Variants in CPNE4 observed in about 807,000 individuals in gnomAD.
CPNE4 encodes copine 4, also known as copine-4.
In CPNE4, 25 loss-of-function variants were observed where a neutral mutation model predicts 67.9. The ratio of observed to expected loss-of-function variants is 0.37; its 90% CI spans 0.27 to 0.51. The LOEUF (loss-of-function observed/expected upper bound fraction) is 0.51, where lower values mean the gene tolerates loss of function less well. Among genes scored for constraint, CPNE4 ranks in the 20% least tolerant of loss-of-function variants. The pLI is 0.93. For synonymous variants in CPNE4, 242 were observed against 244.9 expected (o/e 0.99, Z 0.11); for missense variants, 464 against 690.8 (o/e 0.67, Z 3.68).
At chr3:131,749,858 A>C (rs909839589) in intron 2 of CPNE4, among the ~76,000 whole-genome samples, 3 of 152,068 alleles carry the variant, frequency 2.0e-5, no homozygotes, top group African/African-American at 7.2e-5. Context: ...TCTTTGTTGT[A>C]ACAGAATACC....
chr3:131,972,367 C>T (rs2072527437), intron 1 of CPNE4, among the ~76,000 whole-genome samples: 1 of 147,746 alleles, frequency 6.8e-6, no homozygotes, highest in African/African-American at 2.5e-5. Context: ...ATAGCACTTA[C>T]AAGCAGAGTT....
At chr3:132,008,475 A>G (rs1437377423) in intron 1 of CPNE4, among the ~76,000 whole-genome samples, 1 of 152,240 alleles carries the variant, frequency 6.6e-6, no homozygotes, top group Non-Finnish European at 1.5e-5. Flanking sequence ...ACAAGCTCAG[A>G]GACCTTAAGC....
At position 131,833,218 on chromosome 3, in the gene CPNE4, T is replaced by C. The variant is rs960000015; in HGVS notation, c.180+72046A>G. Among the ~76,000 whole-genome samples the C allele has an allele frequency of 7.2e-5, 11 of 152,210 alleles. No individual in the cohort carries two copies. The South Asian group carries it at 1.7e-3, about 23-fold the overall frequency. ...TGTTGTTTATTAGCCACCCAGTTTA[T>C]AATATTTTGTTATAGCAGCCCAAAT... On this transcript the variant is annotated intron_variant, in intron 2 of 15. Transcript: ENST00000429747.
chr3:132,004,554 G>A (rs142405805), intron 1 of CPNE4, among the ~76,000 whole-genome samples: 1,725 of 152,104 alleles, frequency 0.011, 16 homozygotes, highest in Non-Finnish European at 0.017. Flanking sequence ...ACAATCTGAT[G>A]AAAAAGGTTT....
In CPNE4 at chr3:131,726,364, G is replaced by T. The variant is rs115912449; in HGVS notation, c.181-2739C>A. Among the ~76,000 whole-genome samples the T allele has an allele frequency of 5.7e-3, 871 of 152,292 alleles. 3 individuals carry two copies. Among genetic ancestry groups the T allele is most frequent in the Non-Finnish European group, 0.01 (700 of 68,008 alleles). On this transcript the variant is annotated intron_variant, in intron 2 of 15. Coordinates refer to ENST00000429747, the MANE Select transcript of CPNE4 (RefSeq NM_130808.3). ...AGTGACTTGGTTTTTTGAGCGAAAT[G>T]ACAAGATGGAAAGACATTAAGTGAT...
chr3:131,562,970 C>T (rs972061303), intron 11 of CPNE4, among the ~76,000 whole-genome samples: 3 of 152,062 alleles, frequency 2.0e-5, no homozygotes, highest in Admixed American at 6.6e-5. Flanking sequence ...TGGACCTGCT[C>T]ATTCATTCCC....
chr3:131,784,008 T>G (rs967368454), intron 2 of CPNE4, among the ~76,000 whole-genome samples: 2 of 152,018 alleles, frequency 1.3e-5, no homozygotes, highest in Non-Finnish European at 1.5e-5. Flanking sequence ...TTTGAACTTC[T>G]CAGAGAAATT....
intron 1 of CPNE4, among the ~76,000 whole-genome samples, chr3:131,985,674 C>T (rs1166896612): frequency 6.6e-6 from 1 of 152,150 alleles, no homozygotes. Context: ...TATATTGGAT[C>T]ACTTCGTAAT....
intron 6 of CPNE4, among the ~76,000 whole-genome samples, chr3:131,676,741 C>T (rs936173808): frequency 9.9e-5 from 15 of 152,138 alleles, no homozygotes; most frequent in Admixed American, 3.9e-4. Context: ...CATAGTATTC[C>T]GTGGTGTATA....
At chr3:131,903,026 C>T (rs553591148) in intron 2 of CPNE4, among the ~76,000 whole-genome samples, 60 of 152,238 alleles carry the variant, frequency 3.9e-4, no homozygotes, top group African/African-American at 1.4e-3. Context: ...TTCACCTGCT[C>T]ACTAACTGCT....
At chr3:132,031,016 C>T (rs77377439) in intron 1 of CPNE4, among the ~76,000 whole-genome samples, 1 of 151,970 alleles carries the variant, frequency 6.6e-6, no homozygotes, top group Non-Finnish European at 1.5e-5. Flanking sequence ...GATGTGTAAC[C>T]CCAACCTAAA....
upstream of CPNE4, among the ~76,000 whole-genome samples, chr3:132,035,676 A>T (rs2074326755): frequency 2.6e-5 from 4 of 152,234 alleles, no homozygotes; most frequent in Admixed American, 2.6e-4. Context: ...TTTCAAACTT[A>T]TTCAAATTCA....
At chr3:131,835,133 G>C (rs1414284221) in intron 2 of CPNE4, among the ~76,000 whole-genome samples, 1 of 152,156 alleles carries the variant, frequency 6.6e-6, no homozygotes. Flanking sequence ...TAGTGATGAA[G>C]GAAGCCTTGA....
chr3:131,633,717 T>G (rs1185464369), intron 7 of CPNE4, among the ~76,000 whole-genome samples: 2 of 151,912 alleles, frequency 1.3e-5, no homozygotes, highest in Non-Finnish European at 2.9e-5. Flanking sequence ...GTACTCGTTA[T>G]GAAGAAAGGC....
rs35525721 is a variant in CPNE4 at position 131,925,157 on chromosome 3, T to TTCTCTC, written c.-1-19719_-1-19714dup. ...TGATTCTCTCTCTCTTGTTCTCATA[T>TTCTCTC]TCTCTCTCTCTCTCTCTCTCTCATA... is the stretch of plus-strand genomic sequence containing the variant. On this transcript the variant is annotated intron_variant, in intron 1 of 15. Coordinates refer to ENST00000429747, the MANE Select transcript of CPNE4 (RefSeq NM_130808.3). Among the ~76,000 whole-genome samples, 182 of 147,268 alleles carry TTCTCTC rather than the reference T, an allele frequency of 1.2e-3. 2 individuals are homozygous for TTCTCTC. The South Asian group carries it at 0.029, about 24-fold the overall frequency.
intron 6 of CPNE4, among the ~76,000 whole-genome samples, chr3:131,670,328 A>G (rs1420620114): frequency 6.6e-6 from 1 of 152,226 alleles, no homozygotes; most frequent in African/African-American, 2.4e-5. Context: ...CACCAACTCA[A>G]TTACAATATC....
chr3:131,569,112 AACTT>A (rs2107672762), intron 10 of CPNE4, among the ~76,000 whole-genome samples: 1 of 152,028 alleles, frequency 6.6e-6, no homozygotes, highest in African/African-American at 2.4e-5. Context: ...AAGTCACCTA[AACTT>A]ACTTGGTTCA....
At chr3:131,855,037 G>T (rs142989333) in intron 2 of CPNE4, among the ~76,000 whole-genome samples, 1 of 152,030 alleles carries the variant, frequency 6.6e-6, no homozygotes, top group East Asian at 1.9e-4. Flanking sequence ...CTTTTAACAA[G>T]AATCCAGTGA....
chr3:131,900,013 A>G (rs2088489367), intron 2 of CPNE4, among the ~76,000 whole-genome samples: 1 of 152,070 alleles, frequency 6.6e-6, no homozygotes, highest in Admixed American at 6.6e-5. Context: ...GCTAACAGGG[A>G]TGCTAGGTCA....
Sources: gnomAD v4.1 joint callset for allele counts (sites outside exome capture counted in the v4.1 genomes callset) on GRCh38, gnomAD v4.1.1 for gene constraint, MANE v1.5 for transcripts, NCBI Gene and HGNC (gene_info 2026-07-23, HGNC 2026-07-21) for gene names.